Variants in PDCD1LG2 observed in about 807,000 individuals in gnomAD.
PDCD1LG2 encodes programmed cell death 1 ligand 2.
A neutral mutation model predicts 28.2 loss-of-function variants in PDCD1LG2; 32 were observed. That is an observed-to-expected ratio of 1.13 (90% CI 0.86 to 1.52). The LOEUF (loss-of-function observed/expected upper bound fraction) is 1.52, where lower values mean the gene tolerates loss of function less well. Ranked by LOEUF, PDCD1LG2 falls within the 40% of genes most tolerant of loss-of-function variation. The pLI is 0.00. For missense variants in PDCD1LG2, 385 were observed against 323.8 expected (o/e 1.19, Z -1.45); for synonymous variants, 116 against 120.2 (o/e 0.97, Z 0.23).
intron 1 of PDCD1LG2, among the ~76,000 whole-genome samples, chr9:5,516,662 C>G (rs889436469): frequency 6.6e-6 from 1 of 152,218 alleles, no homozygotes; most frequent in South Asian, 2.1e-4. Context: ...CCCTGCTCAG[C>G]CTCCCTCTGT....
chr9:5,531,664 G>A (rs1820486747), intron 2 of PDCD1LG2, among the ~76,000 whole-genome samples: 2 of 152,116 alleles, frequency 1.3e-5, no homozygotes, highest in Non-Finnish European at 2.9e-5. Flanking sequence ...GGAAGTTATA[G>A]GCGTTCCCTT....
chr9:5,556,477 T>C (rs1245875912), intron 4 of PDCD1LG2, among the ~76,000 whole-genome samples: 1 of 152,212 alleles, frequency 6.6e-6, no homozygotes, highest in Non-Finnish European at 1.5e-5. Context: ...AATCCTGGCA[T>C]TGACTTTTAC....
intron 5 of PDCD1LG2, 76 bp from the exon 6 acceptor site, chr9:5,563,086 C>A: frequency 1.7e-6 from 2 of 1,156,916 alleles, no homozygotes; most frequent in African/African-American, 1.5e-5. Flanking sequence ...TACTTTTTGT[C>A]CTGCCATATT....
At chr9:5,531,884 G>C (rs1820490820) in intron 2 of PDCD1LG2, among the ~76,000 whole-genome samples, 1 of 152,122 alleles carries the variant, frequency 6.6e-6, no homozygotes, top group African/African-American at 2.4e-5. Context: ...GGTAATTCTT[G>C]AACTTGGCAT....
chr9:5,558,986 T>C (rs1265038489), intron 5 of PDCD1LG2, among the ~76,000 whole-genome samples: 1 of 152,230 alleles, frequency 6.6e-6, no homozygotes, highest in African/African-American at 2.4e-5. Context: ...ACCTCAGTTG[T>C]CTTATCTTCT....
intron 3 of PDCD1LG2, among the ~76,000 whole-genome samples, chr9:5,548,808 A>T (rs1816263369): frequency 6.6e-6 from 1 of 152,232 alleles, no homozygotes; most frequent in South Asian, 2.1e-4. Flanking sequence ...AATCTCAAAG[A>T]AAACAGAGGA....
At chr9:5,518,326 C>T (rs1432479043) in intron 1 of PDCD1LG2, among the ~76,000 whole-genome samples, 1 of 152,170 alleles carries the variant, frequency 6.6e-6, no homozygotes, top group Non-Finnish European at 1.5e-5. Context: ...GTCTGTTCCT[C>T]GGTTTGCTCA....
chr9:5,515,946 A>G (rs1394112442), intron 1 of PDCD1LG2, among the ~76,000 whole-genome samples: 3 of 149,910 alleles, frequency 2.0e-5, no homozygotes, highest in Admixed American at 6.7e-5. Flanking sequence ...AAAAAAAAAA[A>G]AAAGAAAAGA....
intron 3 of PDCD1LG2, among the ~76,000 whole-genome samples, chr9:5,541,321 C>G (rs1438801247): frequency 6.6e-6 from 1 of 152,148 alleles, no homozygotes; most frequent in African/African-American, 2.4e-5. Context: ...ACACTTTCAC[C>G]ACTTTTATTC....
intron 4 of PDCD1LG2, among the ~76,000 whole-genome samples, chr9:5,555,511 C>T (rs1816420162): frequency 6.6e-6 from 1 of 152,158 alleles, no homozygotes; most frequent in Non-Finnish European, 1.5e-5. Context: ...AGGATACAGG[C>T]TAAGCTACCA....
chr9:5,570,063 T>G lies in PDCD1LG2; in HGVS notation c.*104T>G. On this transcript the variant is annotated 3_prime_UTR_variant, in exon 7 of 7. Transcript: ENST00000397747. Reference sequence around the variant, plus strand: ...CTGCAGAGCTTGCCATTTGCACTTTTCAAATGCCTTTGGATGACCCAGCAC... The same window carrying G: ...CTGCAGAGCTTGCCATTTGCACTTTGCAAATGCCTTTGGATGACCCAGCAC... 7.1e-7 allele frequency: 1 copy of G among 1,418,328 alleles called. No homozygotes were observed. The highest frequency in any genetic ancestry group is 9.9e-7 in the Non-Finnish European group (1 of 1,007,320). 87.9% of individuals were successfully genotyped at this position (1,418,328 alleles called of 1,614,324 possible). A position where few individuals can be genotyped will look rare whatever the true frequency, so the allele number is the denominator to read the frequency against.
chr9:5,535,386 A>G (rs1820560444), intron 3 of PDCD1LG2, among the ~76,000 whole-genome samples: 1 of 152,218 alleles, frequency 6.6e-6, no homozygotes, highest in African/African-American at 2.4e-5. Flanking sequence ...TTGATTATTA[A>G]GATACTCTTT....
In PDCD1LG2 at chr9:5,534,906, G is replaced by A. The variant is rs773619331; in HGVS notation, c.217G>A (p.Ala73Thr). The A allele has an allele frequency of 2.3e-5, 37 of 1,614,040 alleles. 2 individuals carry two copies. Among genetic ancestry groups the A allele is most frequent in the South Asian group, 6.6e-5 (6 of 91,092 alleles). Residue 73 changes from alanine to threonine, a missense_variant, in exon 3 of 7, where the codon GCC (alanine) becomes ACC (threonine). By Grantham distance (58) the Ala-to-Thr change is moderately conservative. Coordinates refer to ENST00000397747, the MANE Select transcript of PDCD1LG2 (RefSeq NM_025239.4). The part of the protein sequence containing the change: ...ENDTSPHRER[A>T]TLLEEQLPLG... Reference sequence around the variant, plus strand: ...TGATACATCCCCACACCGTGAAAGAGCCACTTTGCTGGAGGAGCAGCTGCC... The same window carrying A: ...TGATACATCCCCACACCGTGAAAGAACCACTTTGCTGGAGGAGCAGCTGCC...
chr9:5,551,252 T>C (rs1816325776), intron 4 of PDCD1LG2, among the ~76,000 whole-genome samples: 1 of 152,242 alleles, frequency 6.6e-6, no homozygotes, highest in South Asian at 2.1e-4. Flanking sequence ...TCCCTAGTAC[T>C]GATTCAATCT....
intron 5 of PDCD1LG2, among the ~76,000 whole-genome samples, chr9:5,558,416 G>A (rs1002316640): frequency 2.0e-5 from 3 of 152,166 alleles, no homozygotes; most frequent in Admixed American, 6.5e-5. Flanking sequence ...TCATGTGTCT[G>A]TCTTTGGTTT....
intron 1 of PDCD1LG2, among the ~76,000 whole-genome samples, chr9:5,514,102 C>G (rs1261171527): frequency 6.6e-6 from 1 of 152,124 alleles, no homozygotes; most frequent in East Asian, 1.9e-4. Flanking sequence ...CAAACATGAT[C>G]CTTTAGGCTG....
chr9:5,559,986 G>C lies in PDCD1LG2; in HGVS notation c.766+2234G>C, dbSNP rs138482896. 4.9e-3 allele frequency among the ~76,000 whole-genome samples: 747 copies of C among 152,110 alleles called. 3 individuals carry two copies. Among genetic ancestry groups the C allele is most frequent in the African/African-American group, 0.017 (711 of 41,486 alleles). On this transcript the variant is annotated intron_variant, in intron 5 of 6. Coordinates refer to ENST00000397747, the MANE Select transcript of PDCD1LG2 (RefSeq NM_025239.4). Reference sequence around the variant, plus strand: ...TCTTCTTAAAATATTTTTTCTTGTTGTCCACCTGAGTTGGAGTCATCTTTT... The same window carrying C: ...TCTTCTTAAAATATTTTTTCTTGTTCTCCACCTGAGTTGGAGTCATCTTTT...
intron 1 of PDCD1LG2, among the ~76,000 whole-genome samples, chr9:5,511,438 T>G (rs1458972425): frequency 6.6e-6 from 1 of 152,182 alleles, no homozygotes; most frequent in Non-Finnish European, 1.5e-5. Flanking sequence ...CTGGATGCAC[T>G]GAGTAGAAGA....
At chr9:5,549,687 G>A (rs1037986056) in intron 4 of PDCD1LG2, 83 bp downstream of exon 4, 1 of 1,505,438 alleles carries the variant, frequency 6.6e-7, no homozygotes, top group South Asian at 1.2e-5. Flanking sequence ...TTTGAGGAGA[G>A]TGTAATAAAG....
Sources: gnomAD v4.1 joint callset for allele counts (sites outside exome capture counted in the v4.1 genomes callset) on GRCh38, gnomAD v4.1.1 for gene constraint, MANE v1.5 for transcripts, NCBI Gene and HGNC (gene_info 2026-07-23, HGNC 2026-07-21) for gene names.